Variants in SPATA22 observed in about 807,000 individuals in gnomAD.
The protein encoded by SPATA22 is spermatogenesis associated 22.
In SPATA22, 29 loss-of-function variants were observed where a neutral mutation model predicts 47.8. That is an observed-to-expected ratio of 0.61 (90% CI 0.45 to 0.83). The LOEUF (loss-of-function observed/expected upper bound fraction) is 0.83. Among genes scored for constraint, SPATA22 ranks in the 40% least tolerant of loss-of-function variants. The pLI is 0.00. For missense variants in SPATA22, 410 were observed against 421.7 expected, an observed-to-expected ratio of 0.97 and a Z score of 0.24; for synonymous variants, 133 against 140.9, an observed-to-expected ratio of 0.94 and a Z score of 0.40.
At chr17:3,451,744 C>G (rs572388356) in intron 5 of SPATA22, among the ~76,000 whole-genome samples, 43 of 152,006 alleles carry the variant, frequency 2.8e-4, no homozygotes, top group Admixed American at 9.2e-4. Context: ...GCCAAGAGAT[C>G]GAAACTGTCC....
At chr17:3,464,593 G>A (rs1351124462) in intron 3 of SPATA22, among the ~76,000 whole-genome samples, 9 of 145,018 alleles carry the variant, frequency 6.2e-5, no homozygotes, top group East Asian at 6.1e-4. Flanking sequence ...CTGCCGGGCC[G>A]CCCATCGTCT....
At chr17:3,474,647 A>C (rs3814886), upstream of SPATA22, among the ~76,000 whole-genome samples, 2 of 152,092 alleles carry the variant, frequency 1.3e-5, no homozygotes, top group Admixed American at 6.5e-5. Flanking sequence ...TGCTTTCTCT[A>C]TCTCTGCATT....
intron 5 of SPATA22, among the ~76,000 whole-genome samples, chr17:3,457,022 T>G (rs2073015035): frequency 6.6e-6 from 1 of 151,994 alleles, no homozygotes; most frequent in South Asian, 2.1e-4. Flanking sequence ...AAACTCTCAA[T>G]AAATTAGGTA....
At chr17:3,484,619 G>T (rs2073688211) in intron 1 of SPATA22, among the ~76,000 whole-genome samples, 1 of 152,194 alleles carries the variant, frequency 6.6e-6, no homozygotes. Context: ...TTTCCAATCT[G>T]CTATAGAGCA....
chr17:3,475,994 C>A, upstream of SPATA22: 1 of 662,564 alleles, frequency 1.5e-6, no homozygotes, highest in Non-Finnish European at 2.6e-6. Context: ...ATAAACGGGG[C>A]TCAGAACTTG....
chr17:3,489,108 T>C (rs2073776320), intron 1 of SPATA22: 1 of 658,370 alleles, frequency 1.5e-6, no homozygotes, highest in African/African-American at 1.8e-5. Context: ...TTTTCCATGA[T>C]GCTACATGGT....
intron 1 of SPATA22, among the ~76,000 whole-genome samples, chr17:3,505,590 T>A (rs140921820): frequency 2.2e-3 from 333 of 152,018 alleles, no homozygotes; most frequent in Non-Finnish European, 3.6e-3. Context: ...CCCTGAAGCC[T>A]GAGAGTCCCA....
intron 5 of SPATA22, among the ~76,000 whole-genome samples, chr17:3,458,276 T>C (rs896185879): frequency 2.0e-5 from 3 of 152,080 alleles, no homozygotes; most frequent in Non-Finnish European, 2.9e-5. Flanking sequence ...TGATATATTA[T>C]CAATTCACAC....
At chr17:3,508,703 G>A (rs1483533591) in intron 1 of SPATA22, among the ~76,000 whole-genome samples, 1 of 128,164 alleles carries the variant, frequency 7.8e-6, no homozygotes, top group Non-Finnish European at 1.6e-5. Flanking sequence ...TGAACAATGA[G>A]AACACATGGA....
At chr17:3,494,378 G>A in intron 1 of SPATA22, 3 of 1,612,254 alleles carry the variant, frequency 1.9e-6, no homozygotes, top group Non-Finnish European at 2.5e-6. Context: ...GCGCCATTGA[G>A]GTCTATAAAA....
intron 1 of SPATA22, chr17:3,502,679 T>C (rs1357074682): frequency 1.3e-5 from 2 of 152,282 alleles, no homozygotes; most frequent in Non-Finnish European, 2.9e-5. Context: ...TACTGTGGCA[T>C]GCCCACTGCT....
At chr17:3,486,405 T>C (rs1349760416) in intron 1 of SPATA22, among the ~76,000 whole-genome samples, 3 of 152,190 alleles carry the variant, frequency 2.0e-5, no homozygotes, top group Non-Finnish European at 4.4e-5. Context: ...AGAAGATCCA[T>C]GAAGAATCCT....
At chr17:3,465,395 G>A (rs2073276872) in intron 3 of SPATA22, among the ~76,000 whole-genome samples, 1 of 151,912 alleles carries the variant, frequency 6.6e-6, no homozygotes. Flanking sequence ...AGTGTAGAAA[G>A]AAGTAGACAT....
intron 1 of SPATA22, among the ~76,000 whole-genome samples, chr17:3,497,706 C>A (rs9941396): frequency 6.6e-6 from 1 of 152,014 alleles, no homozygotes; most frequent in Non-Finnish European, 1.5e-5. Flanking sequence ...ATGTCGTGCA[C>A]GTGAACGTCA....
rs1225350869 is a variant in SPATA22 at position 3,440,183 on chromosome 17, C to G, written c.1056G>C (p.Glu352Asp). 3 of 1,608,162 alleles carry G rather than the reference C, an allele frequency of 1.9e-6. No individual in the cohort carries two copies. Among genetic ancestry groups the G allele is most frequent in the Non-Finnish European group, 2.5e-6 (3 of 1,177,480 alleles). The change falls in exon 9 of 9, where the codon GAG (glutamate) becomes GAC (aspartate). Residue 352 changes from glutamate (E) to aspartate (D), a missense_variant. Physicochemically the swap from Glu to Asp is conservative, Grantham distance 45. Coordinates refer to ENST00000572969, the MANE Select transcript of SPATA22 (RefSeq NM_001170698.2). ...FQAFVKIADV[E>D]MQYYINVMNE... ...TCATCACATTAATATAATACTGCAT[C>G]TCAACATCTGCAATTTTGACAAATG...
chr17:3,479,324 G>T (rs2073587116), intron 1 of SPATA22, among the ~76,000 whole-genome samples: 1 of 152,198 alleles, frequency 6.6e-6, no homozygotes, highest in Admixed American at 6.5e-5. Flanking sequence ...CTCAAATGCG[G>T]AAGAATGATA....
chr17:3,464,070 C>A (rs892188525), intron 3 of SPATA22, among the ~76,000 whole-genome samples: 8 of 151,780 alleles, frequency 5.3e-5, no homozygotes, highest in African/African-American at 9.7e-5. Flanking sequence ...CGGCTCACTG[C>A]AACCTCCCTG....
chr17:3,476,436 T>A, upstream of SPATA22: 1 of 1,580,148 alleles, frequency 6.3e-7, no homozygotes, highest in Non-Finnish European at 8.7e-7. Flanking sequence ...GTATGTTGTG[T>A]GAAAAGTGGT....
At chr17:3,464,557 T>C (rs1214556498) in intron 3 of SPATA22, among the ~76,000 whole-genome samples, 5 of 109,352 alleles carry the variant, frequency 4.6e-5, no homozygotes, top group South Asian at 3.1e-4. Context: ...CCGGCCGCCA[T>C]CCCATCTAGG....
Sources: allele counts gnomAD v4.1 joint callset (sites outside exome capture counted in the v4.1 genomes callset), GRCh38; gene constraint gnomAD v4.1.1; transcripts MANE v1.5; gene names NCBI Gene and HGNC (gene_info 2026-07-23, HGNC 2026-07-21).